The following CSMD1 variants were observed in gnomAD, a reference collection of about 807,000 sequenced individuals.
The protein encoded by CSMD1 is CUB and sushi domain-containing protein 1.
A neutral mutation model predicts 417.5 loss-of-function variants in CSMD1; 213 were observed. That is an observed-to-expected ratio of 0.51 (90% CI 0.46 to 0.57). The LOEUF (loss-of-function observed/expected upper bound fraction) is 0.57, where lower values mean the gene tolerates loss of function less well. Among genes scored for constraint, CSMD1 ranks in the 20% least tolerant of loss-of-function variants. CSMD1 has a pLI of 0.00. For missense variants in CSMD1, 6,923 were observed against 4,529.7 expected (o/e 1.53, Z -15.17); for synonymous variants, 2,862 against 1,736.8 (o/e 1.65, Z -16.11).
At chr8:4,056,816 G>C (rs1435352672) in intron 3 of CSMD1, among the ~76,000 whole-genome samples, 1 of 152,068 alleles carries the variant, frequency 6.6e-6, no homozygotes, top group Admixed American at 6.6e-5. Context: ...ATAGTTTACT[G>C]AGAATGATGA....
chr8:3,574,907 G>C (rs369445652), intron 10 of CSMD1, 38 bp downstream of exon 10: 7 of 1,606,808 alleles, frequency 4.4e-6, no homozygotes, highest in East Asian at 2.2e-5. Context: ...TAAGAGTGCT[G>C]TGTGCATTAA....
At chr8:3,251,814 C>T (rs1408119050) in intron 26 of CSMD1, among the ~76,000 whole-genome samples, 1 of 152,104 alleles carries the variant, frequency 6.6e-6, no homozygotes, top group African/African-American at 2.4e-5. Context: ...GTATTTTATT[C>T]TCTTTGAAGC....
intron 3 of CSMD1, among the ~76,000 whole-genome samples, chr8:4,198,059 A>T (rs7012939): frequency 0.12 from 18,343 of 152,266 alleles, 1,687 homozygotes; most frequent in African/African-American, 0.25. Flanking sequence ...ATGCTCAGCG[A>T]TTATCAAAGC....
chr8:3,548,285 C>T lies in CSMD1; in HGVS notation c.1344+26660G>A, dbSNP rs568815351. 4.6e-5 allele frequency among the ~76,000 whole-genome samples: 7 copies of T among 152,200 alleles called. No individual in the cohort carries two copies. The East Asian group carries it at 1.4e-3, about 29-fold the overall frequency. On this transcript the variant is annotated intron_variant, in intron 10 of 69. Coordinates refer to ENST00000635120, the MANE Select transcript of CSMD1 (RefSeq NM_033225.6). ...TGTAGCCCTTGTCTATTTTAAAATG[C>T]TTATTTAATTATTATTTTTTATTTC...
Position 3,771,771 on chromosome 8 carries a change from C to G in CSMD1, c.819-17729G>C, listed in dbSNP as rs146128718. On this transcript the variant is annotated intron_variant, in intron 5 of 69. Coordinates refer to ENST00000635120, the MANE Select transcript of CSMD1 (RefSeq NM_033225.6). ...TGTGTTCAAATGACAGCATCATGCT[C>G]TCTCCATTGCAGGAAAGAACTCTGG... Among the ~76,000 whole-genome samples the G allele has an allele frequency of 2.4e-3, 368 of 152,266 alleles. 1 individual carries two copies. The highest frequency in any genetic ancestry group is 4.6e-3 in the South Asian group (22 of 4,818).
At chr8:4,085,866 G>A (rs1376724903) in intron 3 of CSMD1, among the ~76,000 whole-genome samples, 6 of 152,070 alleles carry the variant, frequency 3.9e-5, no homozygotes, top group Non-Finnish European at 8.8e-5. Flanking sequence ...GTCAGTATCC[G>A]GGCTGTATTA....
intron 1 of CSMD1, among the ~76,000 whole-genome samples, chr8:4,679,523 T>C (rs1222380001): frequency 1.3e-5 from 2 of 152,222 alleles, no homozygotes; most frequent in Non-Finnish European, 2.9e-5. Flanking sequence ...GCTTCTGGCA[T>C]TGGCCCCAAA....
At chr8:3,935,000 A>C (rs1810385676) in intron 5 of CSMD1, among the ~76,000 whole-genome samples, 1 of 152,184 alleles carries the variant, frequency 6.6e-6, no homozygotes, top group African/African-American at 2.4e-5. Flanking sequence ...TAATACACAT[A>C]ATCAAGTGCA....
chr8:3,366,121 G>C (rs929857588), intron 20 of CSMD1, among the ~76,000 whole-genome samples: 1 of 152,138 alleles, frequency 6.6e-6, no homozygotes, highest in Non-Finnish European at 1.5e-5. Context: ...TTTGATCTGG[G>C]CTATGAGGAA....
At chr8:4,412,196 T>A (rs1419058233) in intron 3 of CSMD1, among the ~76,000 whole-genome samples, 1 of 152,148 alleles carries the variant, frequency 6.6e-6, no homozygotes, top group East Asian at 1.9e-4. Context: ...GCAAACCTCA[T>A]GTTAAATTGT....
chr8:4,961,243 T>A (rs1809461336), intron 1 of CSMD1, among the ~76,000 whole-genome samples: 1 of 152,200 alleles, frequency 6.6e-6, no homozygotes, highest in South Asian at 2.1e-4. Context: ...CTTCTGCAGT[T>A]ATATAAAATC....
At chr8:4,574,041 A>C (rs1462601023) in intron 2 of CSMD1, among the ~76,000 whole-genome samples, 2 of 152,128 alleles carry the variant, frequency 1.3e-5, no homozygotes, top group African/African-American at 4.8e-5. Flanking sequence ...CCAGCCAGTG[A>C]ATCTTAGCTT....
At chr8:4,059,212 A>T (rs1392114138) in intron 3 of CSMD1, among the ~76,000 whole-genome samples, 11 of 152,210 alleles carry the variant, frequency 7.2e-5, no homozygotes, top group Non-Finnish European at 1.5e-4. Context: ...TAACGAAATG[A>T]AGGCAGAAAT....
intron 2 of CSMD1, among the ~76,000 whole-genome samples, chr8:4,573,629 C>G (rs1300831602): frequency 6.6e-6 from 1 of 152,034 alleles, no homozygotes; most frequent in South Asian, 2.1e-4. Flanking sequence ...GCGGTCTTTC[C>G]CTTAGCAGAG....
At chr8:4,842,470 T>C (rs1800900177) in intron 1 of CSMD1, among the ~76,000 whole-genome samples, 1 of 152,170 alleles carries the variant, frequency 6.6e-6, no homozygotes, top group South Asian at 2.1e-4. Flanking sequence ...CTTTCATGAG[T>C]TGTCAGATGC....
At chr8:4,382,732 C>T (rs971294199) in intron 3 of CSMD1, among the ~76,000 whole-genome samples, 2 of 151,584 alleles carry the variant, frequency 1.3e-5, no homozygotes, top group Admixed American at 6.6e-5. Context: ...TAACGCTTTG[C>T]ATTGTTAGGT....
At chr8:4,365,973 T>C (rs1802045693) in intron 3 of CSMD1, among the ~76,000 whole-genome samples, 2 of 152,180 alleles carry the variant, frequency 1.3e-5, no homozygotes, top group South Asian at 2.1e-4. Flanking sequence ...TACAGGTTTG[T>C]TCATGGGGAA....
intron 2 of CSMD1, among the ~76,000 whole-genome samples, chr8:4,520,658 C>T (rs777490733): frequency 2.0e-5 from 3 of 152,090 alleles, no homozygotes; most frequent in South Asian, 2.1e-4. Flanking sequence ...AGCAATGATA[C>T]GCCATGAACA....
Position 3,359,321 on chromosome 8 carries a change from A to G in CSMD1, c.3135T>C (p.Cys1045=), listed in dbSNP as rs1488645621. Residue 1045 remains cysteine, a synonymous_variant, in exon 21 of 70, where the codon TGT becomes TGC. Coordinates refer to ENST00000635120, the MANE Select transcript of CSMD1 (RefSeq NM_033225.6). The part of the protein sequence containing the change: ...ITFSEYDLEP[C]DDPGVPAFSR... ...TGAAGGCAGGGACTCCAGGATCATC[A>G]CATGGCTCCAGGTCATATTCTGAGG... is the stretch of plus-strand genomic sequence containing the variant. 1.2e-6 allele frequency: 2 copies of G among 1,613,814 alleles called. No individual in the cohort carries two copies. Among genetic ancestry groups the G allele is most frequent in the Non-Finnish European group, 1.7e-6 (2 of 1,179,816 alleles).
Sources: gnomAD v4.1 joint callset for allele counts (sites outside exome capture counted in the v4.1 genomes callset) on GRCh38, gnomAD v4.1.1 for gene constraint, MANE v1.5 for transcripts, NCBI Gene and HGNC (gene_info 2026-07-23, HGNC 2026-07-21) for gene names.